Variants in USP34 observed in about 807,000 individuals in gnomAD.
USP34 encodes the protein ubiquitin specific peptidase 34.
USP34 carries 70 observed loss-of-function variants against 460.3 expected under a neutral mutation model. The ratio of observed to expected loss-of-function variants is 0.15; its 90% CI spans 0.13 to 0.19. The LOEUF (loss-of-function observed/expected upper bound fraction) is 0.19. Ranked by LOEUF, USP34 falls within the 10% of genes least tolerant of loss-of-function variation. USP34 has a pLI of 1.00. For synonymous variants in USP34, 1,647 were observed against 1,405.3 expected (o/e 1.17, Z -3.85); for missense variants, 3,985 against 4,236.2 (o/e 0.94, Z 1.65).
Position 61,387,637 on chromosome 2 carries a change from CAT to C in USP34, c.754-4303_754-4302del, listed in dbSNP as rs550125532. On this transcript the variant is annotated intron_variant, in intron 5 of 79. Transcript: ENST00000398571. ...AAATATATATTTTTACATATACACA[CAT>C]ATATAAAAATATATATTTTACATAT... Among the ~76,000 whole-genome samples the C allele has an allele frequency of 1.8e-3, 264 of 145,218 alleles. 1 individual carries two copies. Among genetic ancestry groups the C allele is most frequent in the African/African-American group, 6.3e-3 (248 of 39,604 alleles).
chr2:61,283,469 C>T lies in USP34; in HGVS notation c.4833-20G>A. The T allele has an allele frequency of 1.2e-6, 2 of 1,601,518 alleles. No individual in the cohort carries two copies. The highest frequency in any genetic ancestry group is 1.7e-6 in the Non-Finnish European group (2 of 1,175,494). ...AAAACTCTGTAAAGTAAAAACACCA[C>T]CACCACCAATTAAATTCAGCAATGA... On this transcript the variant is annotated intron_variant, in intron 35 of 79. Transcript: ENST00000398571.
At chr2:61,298,383 A>AC (rs1383024926) in intron 29 of USP34, among the ~76,000 whole-genome samples, 10 of 146,052 alleles carry the variant, frequency 6.8e-5, no homozygotes, top group Admixed American at 3.4e-4. Context: ...AAAAAAAAAA[A>AC]AAAAACTAGC....
chr2:61,188,525 G>A lies in USP34; in HGVS notation c.10218C>T (p.Ser3406=), dbSNP rs376914584. Residue 3406 remains serine (S), a synonymous_variant, in exon 80 of 80, where the codon TCC becomes TCT. Coordinates refer to ENST00000398571, the MANE Select transcript of USP34 (RefSeq NM_014709.4). ...IDPGTEQDLP[S]PENSSVKEYR... The stretch of plus-strand genomic sequence containing the variant: ...ATTCTTTAACAGAACTATTTTCAGG[G>A]GAAGGAAGATCTTGCTCAGTTCCTG... 13 of 1,614,168 alleles carry A rather than the reference G, an allele frequency of 8.1e-6. No individual in the cohort carries two copies. The highest frequency in any genetic ancestry group is 1.6e-4 in the Middle Eastern group (1 of 6,062).
intron 43 of USP34, 122 bp from the exon 44 acceptor site, chr2:61,259,898 G>A: frequency 1.4e-6 from 1 of 737,684 alleles, no homozygotes; most frequent in Non-Finnish European, 2.1e-6. Flanking sequence ...CTATATAAAA[G>A]AAAAACACCA....
Position 61,257,126 on chromosome 2 carries a change from C to T in USP34, c.5992-18G>A. 6.4e-6 allele frequency: 10 copies of T among 1,569,888 alleles called. No individual in the cohort carries two copies. The highest frequency in any genetic ancestry group is 8.6e-6 in the Non-Finnish European group (10 of 1,163,994). ...GTATTTTTCTTTAATATAAAACAAACAAAAAATAAGAAACTAGTTAAAACG... is the reference window on the plus strand; with the variant it reads ...GTATTTTTCTTTAATATAAAACAAATAAAAAATAAGAAACTAGTTAAAACG... On this transcript the variant is annotated intron_variant, in intron 45 of 79. Transcript: ENST00000398571.
intron 1 of USP34, among the ~76,000 whole-genome samples, chr2:61,452,731 A>AC (rs1253255593): frequency 5.3e-5 from 8 of 151,898 alleles, no homozygotes; most frequent in Non-Finnish European, 1.2e-4. Context: ...CAAAAAAAAA[A>AC]ACAAAAGTTA....
intron 61 of USP34, among the ~76,000 whole-genome samples, 194 bp from the exon 62 acceptor site, chr2:61,227,412 C>T (rs1336014049): frequency 2.0e-5 from 3 of 152,102 alleles, no homozygotes; most frequent in Non-Finnish European, 2.9e-5. Flanking sequence ...ACTGCCAGAA[C>T]TGTAAAGAAT....
At chr2:61,262,230 G>A (rs1688911743) in intron 43 of USP34, among the ~76,000 whole-genome samples, 2 of 148,524 alleles carry the variant, frequency 1.3e-5, no homozygotes, top group African/African-American at 2.5e-5. Context: ...GGGTACATAT[G>A]CAGGTTATAT....
chr2:61,438,877 G>T (rs1222428356), intron 1 of USP34, among the ~76,000 whole-genome samples: 1 of 152,146 alleles, frequency 6.6e-6, no homozygotes, highest in African/African-American at 2.4e-5. Context: ...AACTGTCCCT[G>T]TGTTTGCAGC....
intron 15 of USP34, among the ~76,000 whole-genome samples, chr2:61,345,340 C>T (rs1245167026): frequency 6.6e-6 from 1 of 151,740 alleles, no homozygotes; most frequent in East Asian, 1.9e-4. Flanking sequence ...TCCTTAATCT[C>T]AGATGCATCA....
intron 53 of USP34, among the ~76,000 whole-genome samples, chr2:61,240,403 C>T (rs1423204203): frequency 2.6e-5 from 4 of 151,944 alleles, no homozygotes; most frequent in Non-Finnish European, 4.4e-5. Flanking sequence ...CTCAGCCTCC[C>T]GAGTAGCTGG....
At chr2:61,265,283 A>T in intron 43 of USP34, 114 bp downstream of exon 43, 2 of 1,169,050 alleles carry the variant, frequency 1.7e-6, no homozygotes, top group South Asian at 3.0e-5. Context: ...AATCAAATTT[A>T]CTTTTATTCA....
At position 61,470,960 on chromosome 2, in the gene USP34, G is replaced by A. The variant is rs1695943572; in HGVS notation, c.-268C>T. Among the ~76,000 whole-genome samples, 1 of 132,860 alleles carries A rather than the reference G, an allele frequency of 7.5e-6. No homozygotes were observed. Among genetic ancestry groups the A allele is most frequent in the African/African-American group, 2.7e-5 (1 of 37,018 alleles). The allele number at this position is 132,860 out of a possible 152,430, so 87.2% of individuals were successfully genotyped here. On this transcript the variant is annotated 5_prime_UTR_variant, in exon 1 of 80. Coordinates refer to ENST00000398571, the MANE Select transcript of USP34 (RefSeq NM_014709.4). ...GAGGCGCCGGCGGCGGGGAAGGGGG[G>A]GAAGGACGGGGGGAGGGGAGAGGGG...
chr2:61,188,667 C>G lies in USP34; in HGVS notation c.10076G>C (p.Ser3359Thr). The change falls in exon 80 of 80, where the codon AGT becomes ACT. Residue 3359 changes from serine (S) to threonine (T), a missense_variant. Coordinates refer to ENST00000398571, the MANE Select transcript of USP34 (RefSeq NM_014709.4). ...ATPIKRRRVS[S>T]DEEHTVDSCI... ...GCTGTCTACAGTGTGCTCCTCATCA[C>G]TGCTAACACGCCGCCTTTTAATGGG... The G allele has an allele frequency of 6.2e-7, 1 of 1,614,132 alleles. No individual in the cohort carries two copies. The highest frequency in any genetic ancestry group is 8.5e-7 in the Non-Finnish European group (1 of 1,180,018).
At chr2:61,198,486 T>A (rs777589) in intron 75 of USP34, among the ~76,000 whole-genome samples, 1 of 151,728 alleles carries the variant, frequency 6.6e-6, no homozygotes, top group Admixed American at 6.6e-5. Context: ...TCTTGACTAG[T>A]ACTCCATTAT....
At chr2:61,209,457 A>G (rs1037127198) in intron 69 of USP34, among the ~76,000 whole-genome samples, 11 of 152,240 alleles carry the variant, frequency 7.2e-5, no homozygotes, top group Non-Finnish European at 7.3e-5. Context: ...GATGGATCAC[A>G]AACACAATGG....
intron 2 of USP34, among the ~76,000 whole-genome samples, chr2:61,417,915 A>G (rs1343483036): frequency 1.3e-5 from 2 of 148,808 alleles, no homozygotes; most frequent in African/African-American, 5.0e-5. Flanking sequence ...TAATTTTTGT[A>G]TTTTTAGTAG....
chr2:61,220,151 TAAAAAAAAAAAAA>T (rs60784334), intron 67 of USP34, 146 bp downstream of exon 67: 4,503 of 167,730 alleles, frequency 0.027, 6 homozygotes, highest in Middle Eastern at 0.057. Flanking sequence ...TTTCCTATCC[TAAAAAAAAAAAAA>T]AAAAAAAAAA....
rs1268728632 is a variant in USP34 at position 61,417,133 on chromosome 2, A to G, written c.131+3613T>C. On this transcript the variant is annotated intron_variant, in intron 2 of 79. Coordinates refer to ENST00000398571, the MANE Select transcript of USP34 (RefSeq NM_014709.4). Reference sequence around the variant, plus strand: ...GGTATGGATGGACATAACTTGGCCAATGTGAACCCTGGCCACAGTGCCCTG... The same window carrying G: ...GGTATGGATGGACATAACTTGGCCAGTGTGAACCCTGGCCACAGTGCCCTG... The G allele has an allele frequency of 5.1e-6, 8 of 1,572,276 alleles. No homozygotes were observed. The African/African-American group carries it at 5.4e-5, about 11-fold the overall frequency.
Sources: gnomAD v4.1 joint callset for allele counts (sites outside exome capture counted in the v4.1 genomes callset) on GRCh38, gnomAD v4.1.1 for gene constraint, MANE v1.5 for transcripts, NCBI Gene and HGNC (gene_info 2026-07-23, HGNC 2026-07-21) for gene names.